The following HAS1 variants were observed in gnomAD, a reference collection of about 807,000 sequenced individuals.
The protein encoded by HAS1 is hyaluronan synthase 1, also known as HA synthase 1.
A neutral mutation model predicts 35.0 loss-of-function variants in HAS1; 27 were observed. The ratio of observed to expected loss-of-function variants is 0.77; its 90% confidence interval spans 0.57 to 1.06. The LOEUF is 1.06. Among genes scored for constraint, HAS1 ranks in the 50% least tolerant of loss-of-function variants. HAS1 has a pLI of 0.00. For synonymous variants in HAS1, 409 were observed against 371.2 expected (o/e 1.10, Z -1.17); for missense variants, 940 against 814.8 (o/e 1.15, Z -1.87).
Position 51,713,481 on chromosome 19 carries a change from CA to C in HAS1, c.1679del (p.Val560GlyfsTer113), listed in dbSNP as rs1218498662. 6.3e-7 allele frequency: 1 copy of C among 1,584,344 alleles called. No homozygotes were observed. The highest frequency in any genetic ancestry group is 1.8e-5 in the Admixed American group (1 of 54,314). On this transcript the variant is annotated frameshift_variant, in exon 5 of 5. Transcript: ENST00000540069. LOFTEE classifies it high-confidence loss of function. The surrounding 1 kb of genome is among the most constrained non-coding windows in gnomAD (Gnocchi z 4.5). ...YWVAMLTLYWVGVRRLCRRRT... is the reference protein window; with the variant it reads ...YWVAMLTLYWXGVRRLCRRRT... Reference sequence around the variant, plus strand: ...GCCGCCGGCAAAGCCTCCGCACGCCCACCCAGTACAGCGTCAACATGGCCAC... The same window carrying C: ...GCCGCCGGCAAAGCCTCCGCACGCCCCCCAGTACAGCGTCAACATGGCCAC...
Position 51,717,141 on chromosome 19 carries a change from C to T in HAS1, c.752G>A (p.Arg251Gln), listed in dbSNP as rs75142551. The T allele has an allele frequency of 9.7e-5, 156 of 1,613,952 alleles. No homozygotes were observed. In the East Asian group the frequency reaches 3.1e-3, roughly 33 times the overall value. Residue 251 changes from arginine (R) to glutamine (Q), a missense_variant, in exon 3 of 5, where the codon CGG (arginine) becomes CAG (glutamine). Arg to Gln is a conservative substitution (Grantham distance 43). Coordinates refer to ENST00000540069, the MANE Select transcript of HAS1 (RefSeq NM_001297436.2). ...LDPMALLELV[R>Q]VLDEDPRVGA... is the part of the protein sequence containing the mutation. ...TACCCGGGGGTCCTCGTCCAGTACC[C>T]GCACGAGCTCCAGCAGTGCCATGGG...
chr19:51,719,689 G>T lies in HAS1; in HGVS notation c.216C>A (p.Phe72Leu). 1 of 1,559,488 alleles carries T rather than the reference G, an allele frequency of 6.4e-7. No individual in the cohort carries two copies. The change falls in exon 2 of 5, where the codon TTC (phenylalanine) becomes TTA (leucine). Residue 72 changes from phenylalanine to leucine, a missense_variant. Coordinates refer to ENST00000540069, the MANE Select transcript of HAS1 (RefSeq NM_001297436.2). ...LSAHLVAQSL[F>L]AYLEHRRVAA... ...CCACCCGCCGGTGCTCCAGGTACGC[G>T]AAGAGGCTCTGCGCCACCAGGTGCG...
rs982116393 is a variant in HAS1 at position 51,719,828 on chromosome 19, G to A, written c.77C>T (p.Ala26Val). ...SGLARRVLTIAFALLILGLMT... is the reference protein window; with the variant it reads ...SGLARRVLTIVFALLILGLMT... The stretch of plus-strand genomic sequence containing the variant: ...GAGGCCCAGGATGAGCAGGGCGAAG[G>A]CGATGGTCAGCACCCTCCGGGCCAG... Residue 26 changes from alanine to valine, a missense_variant, in exon 2 of 5, where the codon GCC (alanine) becomes GTC (valine). Coordinates refer to ENST00000540069, the MANE Select transcript of HAS1 (RefSeq NM_001297436.2). 3 of 1,553,556 alleles carry A rather than the reference G, an allele frequency of 1.9e-6. No homozygotes were observed. The highest frequency in any genetic ancestry group is 8.7e-7 in the Non-Finnish European group (1 of 1,152,602).
At chr19:51,720,073 G>T in intron 1 of HAS1, 178 bp from the exon 2 acceptor site, 4 of 538,126 alleles carry the variant, frequency 7.4e-6, no homozygotes, top group Non-Finnish European at 9.6e-6. Context: ...TGTCTGTCTC[G>T]CTGTCTCTCT....
rs750914461 is a variant in HAS1 at position 51,717,125 on chromosome 19, G to T, written c.768C>A (p.Asp256Glu). The T allele has an allele frequency of 4.3e-6, 7 of 1,614,002 alleles. No individual in the cohort carries two copies. The South Asian group carries it at 6.6e-5, about 15-fold the overall frequency. Residue 256 changes from aspartate (D) to glutamate (E), a missense_variant, in exon 3 of 5, where the codon GAC becomes GAA. By Grantham distance (45) the Asp-to-Glu change is conservative (BLOSUM62 2). Coordinates refer to ENST00000540069, the MANE Select transcript of HAS1 (RefSeq NM_001297436.2). ...LLELVRVLDE[D>E]PRVGAVGGDV... ...CCCCACCAACAGCCCCTACCCGGGGGTCCTCGTCCAGTACCCGCACGAGCT... is the reference window on the plus strand; with the variant it reads ...CCCCACCAACAGCCCCTACCCGGGGTTCCTCGTCCAGTACCCGCACGAGCT...
intron 3 of HAS1, 95 bp downstream of exon 3, chr19:51,716,873 T>C: frequency 1.1e-6 from 1 of 871,464 alleles, no homozygotes; most frequent in Admixed American, 1.7e-5. Flanking sequence ...TGCTGCATCT[T>C]TGTTCCCAAC....
chr19:51,714,712 C>G (rs1015146030), intron 4 of HAS1, among the ~76,000 whole-genome samples: 1 of 62,378 alleles, frequency 1.6e-5, no homozygotes, highest in African/African-American at 5.6e-5. Context: ...AAAAAAAAGG[C>G]TCTCATAAGA....
At chr19:51,716,696 C>T (rs189601957) in intron 3 of HAS1, among the ~76,000 whole-genome samples, 152 of 152,112 alleles carry the variant, frequency 1.0e-3, no homozygotes, top group African/African-American at 3.6e-3. Flanking sequence ...AACCTGGCTC[C>T]AACTCTGTCT....
At chr19:51,717,338 T>A in intron 2 of HAS1, 145 bp from the exon 3 acceptor site, 1 of 613,710 alleles carries the variant, frequency 1.6e-6, no homozygotes. Context: ...TCATTTTCAA[T>A]GTGTAGTCAC....
At chr19:51,721,841 G>A (rs1292814655) in intron 1 of HAS1, among the ~76,000 whole-genome samples, 2 of 152,118 alleles carry the variant, frequency 1.3e-5, no homozygotes, top group Non-Finnish European at 2.9e-5. Flanking sequence ...AGGCTCTAGC[G>A]ATCCTCCTGC....
chr19:51,721,634 C>T (rs972317798), intron 1 of HAS1, among the ~76,000 whole-genome samples: 2 of 152,008 alleles, frequency 1.3e-5, no homozygotes, highest in African/African-American at 2.4e-5. Flanking sequence ...GGCTTGGTGG[C>T]GCACGACTGT....
intron 1 of HAS1, among the ~76,000 whole-genome samples, chr19:51,720,974 G>A (rs62108901): frequency 0.12 from 18,941 of 152,168 alleles, 1,649 homozygotes; most frequent in East Asian, 0.47. Context: ...CCAAAATGCT[G>A]TGTACCAGTC....
At position 51,719,621 on chromosome 19, in the gene HAS1, C is replaced by T; in HGVS notation, c.284G>A (p.Ser95Asn). ...RGPLDAATARSVALTISAYQE... is the reference protein window; with the variant it reads ...RGPLDAATARNVALTISAYQE... ...GTAGGCGGAGATGGTCAGCGCCACA[C>T]TGCGCGCGGTGGCTGCATCCAGCGG... The change falls in exon 2 of 5, where the codon AGT becomes AAT. Residue 95 changes from serine (S) to asparagine (N), a missense_variant. By Grantham distance (46) the Ser-to-Asn change is conservative. Coordinates refer to ENST00000540069, the MANE Select transcript of HAS1 (RefSeq NM_001297436.2). 5 of 1,539,926 alleles carry T rather than the reference C, an allele frequency of 3.2e-6. No individual in the cohort carries two copies. The highest frequency in any genetic ancestry group is 1.2e-5 in the South Asian group (1 of 83,042).
At chr19:51,714,246 T>G in intron 4 of HAS1, 144 bp from the exon 5 acceptor site, 1 of 1,326,254 alleles carries the variant, frequency 7.5e-7, no homozygotes. Context: ...ATGTGTAGAA[T>G]AGGGTGGATA....
In HAS1 at chr19:51,714,523, TAA is replaced by T. The variant is rs1192483861; in HGVS notation, c.1059-423_1059-422del. Among the ~76,000 whole-genome samples the T allele has an allele frequency of 7.5e-3, 643 of 85,836 alleles. 6 individuals carry two copies. The highest frequency in any genetic ancestry group is 0.027 in the African/African-American group (583 of 21,516). The allele number at this position is 85,836 out of a possible 152,430, so 56.3% of individuals were successfully genotyped here. ...AGGCAACATAGTGAGACCCCATCTC[TAA>T]AAAAAAAAAAAAAAAAAAAAAATTA... is the stretch of plus-strand genomic sequence containing the variant. On this transcript the variant is annotated intron_variant, in intron 4 of 4. Coordinates refer to ENST00000540069, the MANE Select transcript of HAS1 (RefSeq NM_001297436.2).
In HAS1 at chr19:51,713,644, G is replaced by A. The variant is rs777913003; in HGVS notation, c.1517C>T (p.Ala506Val). Residue 506 changes from alanine to valine, a missense_variant, in exon 5 of 5, where the codon GCG (alanine) becomes GTG (valine). Ala to Val is a moderately conservative substitution (Grantham distance 64, BLOSUM62 0). Transcript: ENST00000540069. This position sits in a 1 kb window ranked among gnomAD's most constrained non-coding sequence, Gnocchi z 4.5. ...CCCAAGCAGCAGCAGCGCCCAGAGC[G>A]CCAGGGGCAGCAGAGGGACGTAGTT... ...AANYVPLLPL[A>V]LWALLLLGGL... is the part of the protein sequence containing the mutation. The A allele has an allele frequency of 1.9e-6, 3 of 1,569,308 alleles. No individual in the cohort carries two copies. Among genetic ancestry groups the A allele is most frequent in the South Asian group, 1.2e-5 (1 of 86,514 alleles).
chr19:51,720,077 T>G (rs958028113), intron 1 of HAS1, 182 bp from the exon 2 acceptor site: 3 of 278,602 alleles, frequency 1.1e-5, no homozygotes. Flanking sequence ...TGTCTCGCTG[T>G]CTCTCTCTCT....
intron 1 of HAS1, 41 bp downstream of exon 1, chr19:51,723,884 T>TACACACACACAC (rs58597876): frequency 0.034 from 41,198 of 1,212,840 alleles, 917 homozygotes; most frequent in East Asian, 0.099. Context: ...CATGGCTGTA[T>TACACACACACAC]ACACACACAC....
At chr19:51,717,214 G>A (rs767051597) in intron 2 of HAS1, 21 bp from the exon 3 acceptor site, 5 of 1,529,804 alleles carry the variant, frequency 3.3e-6, no homozygotes, top group Non-Finnish European at 1.8e-6. Flanking sequence ...GAAGGGGCCA[G>A]GATCAGCACA....
Sources: allele counts gnomAD v4.1 joint callset (sites outside exome capture counted in the v4.1 genomes callset), GRCh38; gene constraint gnomAD v4.1.1; non-coding constraint Gnocchi (gnomAD v3.1); transcripts MANE v1.5; gene names NCBI Gene and HGNC (gene_info 2026-07-23, HGNC 2026-07-21).